SCN10A: variants seen among roughly 807,000 people sequenced by gnomAD.
The protein encoded by SCN10A is sodium voltage-gated channel alpha subunit 10, also known as sodium channel protein type 10 subunit alpha.
In SCN10A, 162 loss-of-function variants were observed where a neutral mutation model predicts 170.7. That is an observed-to-expected ratio of 0.95 (90% CI 0.84 to 1.08). SCN10A has a LOEUF of 1.08. SCN10A is among the 50% of genes least tolerant of loss of function. The pLI is 0.00. For missense variants in SCN10A, 2,527 were observed against 2,436.9 expected (o/e 1.04, Z -0.78); for synonymous variants, 985 against 904.6 (o/e 1.09, Z -1.59).
At chr3:38,789,899 G>T (rs2064258576) in intron 3 of SCN10A, among the ~76,000 whole-genome samples, 1 of 152,104 alleles carries the variant, frequency 6.6e-6, no homozygotes, top group African/African-American at 2.4e-5. Flanking sequence ...TCCCAACAGT[G>T]CTTCCTAAGG....
intron 20 of SCN10A, among the ~76,000 whole-genome samples, chr3:38,719,365 C>G (rs1341296838): frequency 1.9e-5 from 2 of 102,964 alleles, no homozygotes; most frequent in Non-Finnish European, 4.1e-5. Flanking sequence ...GGGGCTGCCA[C>G]TCTTTTTTTT....
chr3:38,805,838 G>C (rs886558187), intron 1 of SCN10A, among the ~76,000 whole-genome samples: 6 of 152,180 alleles, frequency 3.9e-5, no homozygotes, highest in African/African-American at 1.4e-4. Flanking sequence ...AATGGGGTTA[G>C]GGAAATCCTT....
intron 12 of SCN10A, among the ~76,000 whole-genome samples, chr3:38,751,708 C>T (rs534395258): frequency 1.3e-5 from 2 of 152,334 alleles, no homozygotes; most frequent in Admixed American, 1.3e-4. Context: ...CAGTTAGTCA[C>T]TGTTGCCTAA....
chr3:38,718,247 G>A (rs556555939), intron 21 of SCN10A, among the ~76,000 whole-genome samples: 1 of 152,332 alleles, frequency 6.6e-6, no homozygotes, highest in Admixed American at 6.5e-5. Flanking sequence ...CTCAAGTGCA[G>A]CCAGGTGTGA....
At chr3:38,790,639 T>C (rs1298978339) in intron 3 of SCN10A, among the ~76,000 whole-genome samples, 1 of 151,962 alleles carries the variant, frequency 6.6e-6, no homozygotes. Context: ...ATTGAGAGAA[T>C]AATTACCCTG....
intron 15 of SCN10A, among the ~76,000 whole-genome samples, chr3:38,735,836 T>G (rs1342141736): frequency 6.6e-6 from 1 of 152,252 alleles, no homozygotes; most frequent in Non-Finnish European, 1.5e-5. Flanking sequence ...CCTCTCTTTC[T>G]TTCCTTCCTT....
rs1168009514 is a variant in SCN10A at position 38,789,026 on chromosome 3, A to C, written c.400T>G (p.Leu134Val). ...IKVSVHSWFS[L>V]FITVTILVNC... Reference sequence around the variant, plus strand: ...ACCAAAATAGTGACCGTAATAAATAAACTGAACCACCTGAAAGGCCTGTGT... The same window carrying C: ...ACCAAAATAGTGACCGTAATAAATACACTGAACCACCTGAAAGGCCTGTGT... Residue 134 changes from leucine to valine, a missense_variant, in exon 4 of 28, where the codon TTA becomes GTA. Leu to Val is a conservative substitution (Grantham distance 32, BLOSUM62 1). Coordinates refer to ENST00000449082, the MANE Select transcript of SCN10A (RefSeq NM_006514.4). 4 of 1,609,248 alleles carry C rather than the reference A, an allele frequency of 2.5e-6. No homozygotes were observed. The highest frequency in any genetic ancestry group is 1.3e-5 in the African/African-American group (1 of 74,750).
At chr3:38,709,024 C>T (rs1270428917) in intron 25 of SCN10A, among the ~76,000 whole-genome samples, 4 of 152,160 alleles carry the variant, frequency 2.6e-5, no homozygotes, top group South Asian at 4.2e-4. Flanking sequence ...TAATCAGAGT[C>T]GGCACCCTTG....
chr3:38,790,551 T>C lies in SCN10A; in HGVS notation c.389+1499A>G, dbSNP rs112992581. Reference sequence around the variant, plus strand: ...CCATAAAGAGGAGTTTGTATGTTTGTGATTTCTCTTTATTTGTAATTTCCA... The same window carrying C: ...CCATAAAGAGGAGTTTGTATGTTTGCGATTTCTCTTTATTTGTAATTTCCA... On this transcript the variant is annotated intron_variant, in intron 3 of 27. Coordinates refer to ENST00000449082, the MANE Select transcript of SCN10A (RefSeq NM_006514.4). Among the ~76,000 whole-genome samples the C allele has an allele frequency of 4.7e-3, 714 of 152,078 alleles. 9 individuals carry two copies. Among genetic ancestry groups the C allele is most frequent in the African/African-American group, 0.016 (677 of 41,506 alleles).
At chr3:38,767,347 C>T (rs1183831385) in intron 5 of SCN10A, among the ~76,000 whole-genome samples, 1 of 151,840 alleles carries the variant, frequency 6.6e-6, no homozygotes, top group East Asian at 1.9e-4. Flanking sequence ...TATTTGTCCT[C>T]TTTCATACTT....
chr3:38,704,703 C>T (rs2063191368), intron 26 of SCN10A, among the ~76,000 whole-genome samples: 1 of 152,120 alleles, frequency 6.6e-6, no homozygotes, highest in Admixed American at 6.5e-5. Context: ...ATGGAAGAAA[C>T]AAGATTTAGA....
At chr3:38,738,237 T>G (rs2063592120) in intron 15 of SCN10A, among the ~76,000 whole-genome samples, 1 of 152,128 alleles carries the variant, frequency 6.6e-6, no homozygotes. Context: ...TGGCCTGAGA[T>G]GGTCACATTG....
chr3:38,777,012 A>C (rs185299050), intron 4 of SCN10A, among the ~76,000 whole-genome samples: 41 of 152,180 alleles, frequency 2.7e-4, no homozygotes, highest in African/African-American at 8.2e-4. Flanking sequence ...AACAAACAAG[A>C]AATGGAAAAA....
chr3:38,727,009 G>A lies in SCN10A; in HGVS notation c.2684C>T (p.Ala895Val). The A allele has an allele frequency of 6.2e-7, 1 of 1,613,798 alleles. No homozygotes were observed. The highest frequency in any genetic ancestry group is 8.5e-7 in the Non-Finnish European group (1 of 1,179,666). Reference sequence around the variant, plus strand: ...GTCCTCCGGGGCTGTGAGGTTGTCAGCACTGAAAGAGTTCAATAGCAGGGC... The same window carrying A: ...GTCCTCCGGGGCTGTGAGGTTGTCAACACTGAAAGAGTTCAATAGCAGGGC... ...FIALLLNSFS[A>V]DNLTAPEDDG... Residue 895 changes from alanine to valine, a missense_variant, in exon 17 of 28, where the codon GCT becomes GTT. Coordinates refer to ENST00000449082, the MANE Select transcript of SCN10A (RefSeq NM_006514.4).
chr3:38,736,861 T>A (rs2063566276), intron 15 of SCN10A, among the ~76,000 whole-genome samples: 1 of 151,810 alleles, frequency 6.6e-6, no homozygotes, highest in Non-Finnish European at 1.5e-5. Context: ...AACTTGCCTA[T>A]TTTTGGTTGT....
Position 38,761,403 on chromosome 3 carries a change from G to T in SCN10A, c.692-20C>A. The T allele has an allele frequency of 6.2e-7, 1 of 1,604,988 alleles. No individual in the cohort carries two copies. The highest frequency in any genetic ancestry group is 8.5e-7 in the Non-Finnish European group (1 of 1,174,436). The stretch of plus-strand genomic sequence containing the variant: ...TCAGGCCTGCGGGAAGATGACAGTG[G>T]TATGACCACATGGATGAGGTAGCAC... On this transcript the variant is annotated intron_variant, in intron 6 of 27. Transcript: ENST00000449082.
chr3:38,784,029 G>A (rs930421436), intron 4 of SCN10A, among the ~76,000 whole-genome samples: 2 of 152,006 alleles, frequency 1.3e-5, no homozygotes, highest in Admixed American at 1.3e-4. Context: ...TTCAAATTTT[G>A]TGCTATTTTA....
chr3:38,783,624 G>T (rs2064164603), intron 4 of SCN10A, among the ~76,000 whole-genome samples: 1 of 152,016 alleles, frequency 6.6e-6, no homozygotes, highest in Non-Finnish European at 1.5e-5. Flanking sequence ...CATTTGAGTG[G>T]TTTCCGGTTT....
In SCN10A at chr3:38,794,051, A is replaced by T. The variant is rs760197604; in HGVS notation, c.-32-9T>A. 6.3e-7 allele frequency: 1 copy of T among 1,588,558 alleles called. No individual in the cohort carries two copies. Among genetic ancestry groups the T allele is most frequent in the East Asian group, 2.2e-5 (1 of 44,716 alleles). ...CAGGAAGTATTTATACTCTTATAAG[A>T]GTGGACATAACCACAGAGAGGTGAC... On this transcript the variant is annotated splice_polypyrimidine_tract_variant and intron_variant, in intron 1 of 27. Transcript: ENST00000449082.
Sources: allele counts gnomAD v4.1 joint callset (sites outside exome capture counted in the v4.1 genomes callset), GRCh38; gene constraint gnomAD v4.1.1; transcripts MANE v1.5; gene names NCBI Gene and HGNC (gene_info 2026-07-23, HGNC 2026-07-21).